ADAMTS18: variants seen among roughly 807,000 people sequenced by gnomAD.
ADAMTS18 encodes A disintegrin and metalloproteinase with thrombospondin motifs 18.
Under a neutral mutation model 165.9 loss-of-function variants are expected in ADAMTS18, and 157 were observed. That is an observed-to-expected ratio of 0.95 (90% confidence interval 0.83 to 1.08). The LOEUF (loss-of-function observed/expected upper bound fraction) is 1.08. Ranked by LOEUF, ADAMTS18 falls within the 50% of genes least tolerant of loss-of-function variation. The pLI is 0.00. For missense variants in ADAMTS18, 2,040 were observed against 1,534.0 expected (o/e 1.33, Z -5.51); for synonymous variants, 782 against 578.2 (o/e 1.35, Z -5.06).
intron 3 of ADAMTS18, among the ~76,000 whole-genome samples, chr16:77,375,894 T>TTC: frequency 1.5e-4 from 1 of 6,868 alleles, no homozygotes; most frequent in Non-Finnish European, 3.2e-4. Context: ...TCTTTCCTTT[T>TTC]TTTTTTTTTT....
Position 77,353,853 on chromosome 16 carries a change from G to T in ADAMTS18, c.1494C>A (p.Pro498=). ...GATATTTATACTGTCCTGCTTGCTT[G>T]GGCTCATCCACTAGACACCCCGCCT... ...TPQAGCLVDE[P]KQAGQYKYPD... The change falls in exon 10 of 23, where the codon CCC becomes CCA. Residue 498 remains proline (P), a synonymous_variant. Coordinates refer to ENST00000282849, the MANE Select transcript of ADAMTS18 (RefSeq NM_199355.4). 1.2e-6 allele frequency: 2 copies of T among 1,614,056 alleles called. No homozygotes were observed. The highest frequency in any genetic ancestry group is 8.5e-7 in the Non-Finnish European group (1 of 1,180,024).
At chr16:77,387,865 C>G (rs916843059) in intron 3 of ADAMTS18, among the ~76,000 whole-genome samples, 1 of 152,176 alleles carries the variant, frequency 6.6e-6, no homozygotes, top group Admixed American at 6.5e-5. Flanking sequence ...CTCCTGCCCC[C>G]ATTTGGGTGC....
chr16:77,376,237 G>C (rs76693126), intron 3 of ADAMTS18, among the ~76,000 whole-genome samples: 2 of 152,074 alleles, frequency 1.3e-5, no homozygotes, highest in Admixed American at 1.3e-4. Context: ...GCAGAAGGAA[G>C]AGAGAGTGAA....
chr16:77,413,489 A>G (rs1341338595), intron 3 of ADAMTS18, among the ~76,000 whole-genome samples: 1 of 152,142 alleles, frequency 6.6e-6, no homozygotes, highest in African/African-American at 2.4e-5. Context: ...GGTTAACTAA[A>G]ATTTCTGATA....
chr16:77,375,001 A>C (rs538362116), intron 3 of ADAMTS18, among the ~76,000 whole-genome samples: 28 of 152,180 alleles, frequency 1.8e-4, no homozygotes, highest in Admixed American at 1.8e-3. Flanking sequence ...AACCCAATAC[A>C]CCCAAAAGAA....
At chr16:77,384,971 A>G (rs1352088988) in intron 3 of ADAMTS18, among the ~76,000 whole-genome samples, 1 of 151,658 alleles carries the variant, frequency 6.6e-6, no homozygotes, top group Non-Finnish European at 1.5e-5. Context: ...ATGCAGTGGA[A>G]TGATCTCAGC....
chr16:77,337,055 C>G (rs535912348), intron 11 of ADAMTS18, among the ~76,000 whole-genome samples: 1 of 152,198 alleles, frequency 6.6e-6, no homozygotes, highest in Non-Finnish European at 1.5e-5. Context: ...TGCTAGCGCA[C>G]TCTATCTAGG....
At chr16:77,309,978 T>C (rs1567471041) in intron 16 of ADAMTS18, among the ~76,000 whole-genome samples, 2 of 152,212 alleles carry the variant, frequency 1.3e-5, no homozygotes, top group Non-Finnish European at 2.9e-5. Flanking sequence ...TTTGCTGTAC[T>C]TAACTTTAAA....
chr16:77,378,941 T>G (rs1383318945), intron 3 of ADAMTS18: 1 of 152,138 alleles, frequency 6.6e-6, no homozygotes, highest in Non-Finnish European at 1.5e-5. Flanking sequence ...TTCAGTTTAT[T>G]GAGAAAAACA....
chr16:77,346,007 C>G (rs530654717), intron 10 of ADAMTS18, among the ~76,000 whole-genome samples: 1 of 152,204 alleles, frequency 6.6e-6, no homozygotes, highest in Admixed American at 6.5e-5. Context: ...TTTAGCCACA[C>G]TGGCTCCCTG....
chr16:77,424,870 C>T (rs1268368400), intron 3 of ADAMTS18, among the ~76,000 whole-genome samples: 1 of 152,154 alleles, frequency 6.6e-6, no homozygotes, highest in Admixed American at 6.5e-5. Flanking sequence ...GTATGTAATT[C>T]AACAAACCCC....
chr16:77,386,370 C>G (rs1193180294), intron 3 of ADAMTS18, among the ~76,000 whole-genome samples: 1 of 152,182 alleles, frequency 6.6e-6, no homozygotes, highest in Non-Finnish European at 1.5e-5. Context: ...AAACCTATAC[C>G]TGCAGGCCCA....
At chr16:77,334,592 AGT>A (rs2056259698) in intron 12 of ADAMTS18, among the ~76,000 whole-genome samples, 1 of 112,636 alleles carries the variant, frequency 8.9e-6, no homozygotes, top group South Asian at 2.5e-4. Flanking sequence ...TATAGTATAT[AGT>A]ATATATATAC....
At chr16:77,286,421 A>G (rs2055252269) in intron 22 of ADAMTS18, among the ~76,000 whole-genome samples, 2 of 152,134 alleles carry the variant, frequency 1.3e-5, no homozygotes, top group African/African-American at 2.4e-5. Flanking sequence ...TTATTTTGTA[A>G]TCAGACCCCA....
At chr16:77,391,443 G>C (rs1029244303) in intron 3 of ADAMTS18, among the ~76,000 whole-genome samples, 2 of 149,726 alleles carry the variant, frequency 1.3e-5, no homozygotes, top group Non-Finnish European at 3.0e-5. Context: ...GTTAAGTCGA[G>C]ATCACACCAC....
At chr16:77,295,380 A>G (rs536734157) in intron 18 of ADAMTS18, among the ~76,000 whole-genome samples, 1 of 95,588 alleles carries the variant, frequency 1.0e-5, no homozygotes, top group African/African-American at 5.3e-5. Context: ...AATACATGCC[A>G]CTTTAAAATC....
At chr16:77,389,841 G>A (rs2057161893) in intron 3 of ADAMTS18, among the ~76,000 whole-genome samples, 1 of 152,184 alleles carries the variant, frequency 6.6e-6, no homozygotes, top group Non-Finnish European at 1.5e-5. Context: ...ATCGATCTGT[G>A]CACTGGTATG....
chr16:77,299,755 G>C (rs1005504026), intron 17 of ADAMTS18, among the ~76,000 whole-genome samples: 5 of 152,214 alleles, frequency 3.3e-5, no homozygotes, highest in African/African-American at 1.2e-4. Flanking sequence ...GGTTGTCTCA[G>C]ATTTAATCCA....
chr16:77,430,435 T>A (rs1273289268), intron 3 of ADAMTS18, among the ~76,000 whole-genome samples: 1 of 152,218 alleles, frequency 6.6e-6, no homozygotes, highest in Admixed American at 6.5e-5. Context: ...CTTTGTGCCA[T>A]GATGTACCAT....
Sources: allele counts gnomAD v4.1 joint callset (sites outside exome capture counted in the v4.1 genomes callset), GRCh38; gene constraint gnomAD v4.1.1; transcripts MANE v1.5; gene names NCBI Gene and HGNC (gene_info 2026-07-23, HGNC 2026-07-21).